Variants in CAST observed in about 807,000 individuals in gnomAD.
The protein encoded by CAST is MIR583 host.
In CAST, 76 loss-of-function variants were observed where a neutral mutation model predicts 119.6. The ratio of observed to expected loss-of-function variants is 0.64; its 90% CI spans 0.53 to 0.77. CAST has a LOEUF of 0.77. CAST is among the 30% of genes least tolerant of loss of function. The probability of loss-of-function intolerance (pLI) is 0.00; values close to 1 mark genes in which losing one functional copy is unlikely to be tolerated. For missense variants in CAST, 953 were observed against 946.5 expected, an observed-to-expected ratio of 1.01 and a Z score of -0.09; for synonymous variants, 319 against 331.6, an observed-to-expected ratio of 0.96 and a Z score of 0.41.
At chr5:96,636,039 T>C (rs1747880484) in intron 1 of CAST, among the ~76,000 whole-genome samples, 1 of 152,200 alleles carries the variant, frequency 6.6e-6, no homozygotes, top group Non-Finnish European at 1.5e-5. Flanking sequence ...TCCAACTTGA[T>C]TCCTCTGTGA....
the CAST span, among the ~76,000 whole-genome samples, chr5:96,396,269 A>C: frequency 7.2e-5 from 11 of 152,184 alleles, no homozygotes; most frequent in African/African-American, 2.7e-4. Context: ...TATTTTCAAA[A>C]AGTTATCTAG....
the CAST span, among the ~76,000 whole-genome samples, chr5:96,109,324 C>T: frequency 6.6e-6 from 1 of 152,162 alleles, no homozygotes; most frequent in Non-Finnish European, 1.5e-5. Flanking sequence ...GTGATATTTG[C>T]ATTAGGAAAT....
intron 1 of CAST, chr5:96,546,568 G>GTA (rs1376374051): frequency 2.7e-5 from 4 of 146,984 alleles, no homozygotes. Context: ...AAAAAAAAGT[G>GTA]CTCCAAAATC....
chr5:96,591,953 A>C (rs1315459905), intron 1 of CAST, among the ~76,000 whole-genome samples: 4 of 152,224 alleles, frequency 2.6e-5, no homozygotes, highest in African/African-American at 9.6e-5. Flanking sequence ...TGTATGAGAA[A>C]AACAGTAGAA....
At chr5:95,996,097 C>CA in the CAST span, among the ~76,000 whole-genome samples, 15 of 152,104 alleles carry the variant, frequency 9.9e-5, no homozygotes, top group South Asian at 2.1e-4. Context: ...CAAGTCTCCC[C>CA]AAAACTAGTG....
the CAST span, among the ~76,000 whole-genome samples, chr5:95,986,046 CT>C: frequency 1.3e-5 from 2 of 152,274 alleles, no homozygotes; most frequent in South Asian, 4.1e-4. Flanking sequence ...GTTTTTCCTA[CT>C]TTTGCAAGCA....
At chr5:95,966,597 A>G in the CAST span, among the ~76,000 whole-genome samples, 3 of 152,084 alleles carry the variant, frequency 2.0e-5, no homozygotes, top group Non-Finnish European at 4.4e-5. Flanking sequence ...GTGATTTGGA[A>G]GTAAGGAAAG....
chr5:96,745,455 G>T (rs1581236719), intron 16 of CAST, among the ~76,000 whole-genome samples: 1 of 152,134 alleles, frequency 6.6e-6, no homozygotes, highest in Non-Finnish European at 1.5e-5. Context: ...TGCGTATCCT[G>T]TTTAAATGTT....
the CAST span, among the ~76,000 whole-genome samples, chr5:96,208,579 G>T: frequency 6.6e-6 from 1 of 151,670 alleles, no homozygotes; most frequent in Non-Finnish European, 1.5e-5. Context: ...TAATTTCATT[G>T]TTTACCCAAA....
chr5:96,692,573 T>C (rs1561478918), intron 2 of CAST, among the ~76,000 whole-genome samples: 1 of 152,188 alleles, frequency 6.6e-6, no homozygotes, highest in Admixed American at 6.5e-5. Flanking sequence ...CATTCTTACC[T>C]CAGGGCCCTT....
the CAST span, among the ~76,000 whole-genome samples, chr5:96,352,838 A>T: frequency 6.6e-6 from 1 of 151,824 alleles, no homozygotes; most frequent in African/African-American, 2.4e-5. Context: ...ATGAGACCTG[A>T]TGATTTAAAA....
chr5:96,192,341 T>C, the CAST span, among the ~76,000 whole-genome samples: 20,622 of 152,236 alleles, frequency 0.14, 1,980 homozygotes, highest in African/African-American at 0.25. Flanking sequence ...GCTGACAACA[T>C]GGAAAGATTA....
the CAST span, among the ~76,000 whole-genome samples, chr5:96,355,427 C>T: frequency 1.3e-5 from 2 of 152,182 alleles, no homozygotes; most frequent in Admixed American, 6.5e-5. Flanking sequence ...TCCAGTCTAT[C>T]ATTAATGGCA....
chr5:96,442,355 A>G, the CAST span, among the ~76,000 whole-genome samples: 1 of 152,210 alleles, frequency 6.6e-6, no homozygotes, highest in African/African-American at 2.4e-5. Flanking sequence ...TAAGTACTCA[A>G]TAAAATCTAG....
the CAST span, among the ~76,000 whole-genome samples, chr5:96,514,146 A>T: frequency 6.6e-6 from 1 of 152,236 alleles, no homozygotes; most frequent in East Asian, 1.9e-4. Context: ...AAATAAGGTC[A>T]CATTCTGAGG....
At chr5:96,533,637 C>G (rs142821413) in intron 1 of CAST, among the ~76,000 whole-genome samples, 1 of 152,256 alleles carries the variant, frequency 6.6e-6, no homozygotes, top group Non-Finnish European at 1.5e-5. Context: ...TACATGTAGG[C>G]TCCAAATTTT....
chr5:96,707,874 G>A (rs190994613), intron 3 of CAST, among the ~76,000 whole-genome samples: 144 of 151,798 alleles, frequency 9.5e-4, no homozygotes, highest in African/African-American at 3.1e-3. Flanking sequence ...GGGAAAGTGT[G>A]AGCTATGAGT....
the CAST span, among the ~76,000 whole-genome samples, chr5:96,256,804 G>C: frequency 2.0e-5 from 3 of 151,922 alleles, no homozygotes; most frequent in Non-Finnish European, 2.9e-5. Flanking sequence ...TTATTTTCCT[G>C]TTATTATTTA....
At chr5:96,739,352 C>A (rs1405580484) in intron 11 of CAST, among the ~76,000 whole-genome samples, 3 of 152,048 alleles carry the variant, frequency 2.0e-5, no homozygotes, top group Admixed American at 1.3e-4. Context: ...CAATAGAGGA[C>A]AGGATAATAA....
Sources: gnomAD v4.1 joint callset for allele counts (sites outside exome capture counted in the v4.1 genomes callset) on GRCh38, gnomAD v4.1.1 for gene constraint, MANE v1.5 for transcripts, NCBI Gene and HGNC (gene_info 2026-07-23, HGNC 2026-07-21) for gene names.